The following CNIH3 variants were observed in gnomAD, a reference collection of about 807,000 sequenced individuals.
CNIH3 encodes the protein cornichon family AMPA receptor auxiliary protein 3.
In CNIH3, 14 loss-of-function variants were observed where a neutral mutation model predicts 24.1. That is an observed-to-expected ratio of 0.58 (90% CI 0.38 to 0.91). The LOEUF is 0.91. Among genes scored for constraint, CNIH3 ranks in the 40% least tolerant of loss-of-function variants. The probability of loss-of-function intolerance (pLI) is 0.00; values close to 1 mark genes in which losing one functional copy is unlikely to be tolerated. For synonymous variants in CNIH3, 68 were observed against 73.8 expected (o/e 0.92, Z 0.40); for missense variants, 178 against 196.8 (o/e 0.90, Z 0.57).
chr1:224,438,481 CTG>C (rs1326951811), intron 1 of CNIH3, among the ~76,000 whole-genome samples: 1 of 152,150 alleles, frequency 6.6e-6, no homozygotes, highest in Non-Finnish European at 1.5e-5. Context: ...CTAGTAGAGA[CTG>C]TAGTTGTTCT....
chr1:224,646,557 C>G (rs942298831), intron 1 of CNIH3, among the ~76,000 whole-genome samples: 4 of 152,134 alleles, frequency 2.6e-5, no homozygotes, highest in Non-Finnish European at 5.9e-5. Flanking sequence ...AGAGGTGTGC[C>G]TCCACGCCCA....
In CNIH3 at chr1:224,624,779, T is replaced by C. The variant is rs536838205; in HGVS notation, c.81+7524T>C. ...TTTCTGGTTTCTCTCGCTTTCAAAG[T>C]TTAGAGGGCTGGGAGGACCAGGTCC... On this transcript the variant is annotated intron_variant, in intron 1 of 5. Transcript: ENST00000272133. Among the ~76,000 whole-genome samples the C allele has an allele frequency of 3.9e-5, 6 of 152,306 alleles. No homozygotes were observed. The South Asian group carries it at 1.2e-3, about 32-fold the overall frequency.
At chr1:224,528,316 C>CTTAT (rs1169700864) in intron 2 of CNIH3, among the ~76,000 whole-genome samples, 1 of 151,996 alleles carries the variant, frequency 6.6e-6, no homozygotes, top group East Asian at 1.9e-4. Flanking sequence ...ATTTTATTTA[C>CTTAT]TTATTTATTT....
At chr1:224,474,072 A>G (rs1008212798) in intron 1 of CNIH3, among the ~76,000 whole-genome samples, 33 of 152,202 alleles carry the variant, frequency 2.2e-4, no homozygotes, top group African/African-American at 7.7e-4. Flanking sequence ...AGATAAAAAA[A>G]CGAAAGTTTT....
chr1:224,529,533 T>G lies in CNIH3; in HGVS notation n.344-7403T>G, dbSNP rs533081921. On this transcript the variant is annotated intron_variant and non_coding_transcript_variant, in intron 2 of 2. Coordinates refer to the CNIH3 transcript ENST00000470602. The stretch of plus-strand genomic sequence containing the variant: ...CTCAATATTAGCAAAAAGAGAGGGC[T>G]GTTTTGGACATGTGCTGCTCCGAAT... 1.1e-4 allele frequency: 17 copies of G among 152,300 alleles called. No homozygotes were observed. In the East Asian group the frequency reaches 3.3e-3, roughly 29 times the overall value. The allele number at this position is 152,300 out of a possible 1,614,324, so 9.4% of individuals were successfully genotyped here.
At chr1:224,452,784 A>G (rs1675475813) in intron 1 of CNIH3, among the ~76,000 whole-genome samples, 1 of 146,862 alleles carries the variant, frequency 6.8e-6, no homozygotes, top group South Asian at 2.1e-4. Context: ...TCTGTCTCAA[A>G]AAAAAAAAAA....
intron 3 of CNIH3, among the ~76,000 whole-genome samples, chr1:224,610,274 G>A (rs1682624674): frequency 6.6e-6 from 1 of 152,200 alleles, no homozygotes; most frequent in African/African-American, 2.4e-5. Flanking sequence ...ATCATAAGGA[G>A]CATCTGTGAT....
At chr1:224,671,762 A>G (rs1292008338) in intron 1 of CNIH3, among the ~76,000 whole-genome samples, 2 of 152,210 alleles carry the variant, frequency 1.3e-5, no homozygotes, top group Non-Finnish European at 2.9e-5. Context: ...GGATTGAGAG[A>G]CCCTGAGTCT....
At chr1:224,435,285 G>A in intron 1 of CNIH3, 1 of 902,184 alleles carries the variant, frequency 1.1e-6, no homozygotes, top group Non-Finnish European at 1.3e-6. Context: ...GACCGAAATC[G>A]GGTTTCACAA....
chr1:224,554,159 C>T (rs758194590), intron 3 of CNIH3, among the ~76,000 whole-genome samples: 2 of 152,184 alleles, frequency 1.3e-5, no homozygotes, highest in East Asian at 1.9e-4. Flanking sequence ...TCCTGTCTGG[C>T]GCTTGACCCT....
chr1:224,634,669 C>G (rs1224383091), intron 1 of CNIH3, among the ~76,000 whole-genome samples: 1 of 152,134 alleles, frequency 6.6e-6, no homozygotes, highest in East Asian at 1.9e-4. Flanking sequence ...AAAGTGAAAC[C>G]TAGCTCTTCC....
intron 2 of CNIH3, among the ~76,000 whole-genome samples, chr1:224,530,941 A>C (rs1224555437): frequency 6.6e-6 from 1 of 152,132 alleles, no homozygotes; most frequent in Non-Finnish European, 1.5e-5. Flanking sequence ...TTTCCATCAC[A>C]TCATTCCATG....
chr1:224,540,879 G>A (rs764838644), downstream of CNIH3, among the ~76,000 whole-genome samples: 2 of 152,082 alleles, frequency 1.3e-5, no homozygotes, highest in African/African-American at 2.4e-5. Flanking sequence ...TATTTTTATA[G>A]AATTAAACAG....
intron 3 of CNIH3, among the ~76,000 whole-genome samples, chr1:224,563,976 A>C (rs181180699): frequency 6.6e-6 from 1 of 152,188 alleles, no homozygotes; most frequent in African/African-American, 2.4e-5. Context: ...AACAAAATCT[A>C]TAGGGTGAAT....
At chr1:224,529,829 C>T (rs1482419143) in intron 2 of CNIH3, among the ~76,000 whole-genome samples, 1 of 152,208 alleles carries the variant, frequency 6.6e-6, no homozygotes, top group Non-Finnish European at 1.5e-5. Flanking sequence ...TTTCTGATAA[C>T]GGGCTGTACC....
At chr1:224,436,474 C>T (rs1412088113) in intron 1 of CNIH3, among the ~76,000 whole-genome samples, 2 of 152,200 alleles carry the variant, frequency 1.3e-5, no homozygotes, top group African/African-American at 4.8e-5. Context: ...CACTTCATGG[C>T]AGCTACAGAC....
intron 1 of CNIH3, among the ~76,000 whole-genome samples, chr1:224,491,032 T>C (rs1008282653): frequency 1.3e-5 from 2 of 152,206 alleles, no homozygotes; most frequent in African/African-American, 2.4e-5. Context: ...GACTCAGCTA[T>C]TGTTACAGGC....
At chr1:224,721,188 C>T (rs539982149) in intron 3 of CNIH3, among the ~76,000 whole-genome samples, 145 of 152,320 alleles carry the variant, frequency 9.5e-4, no homozygotes, top group African/African-American at 3.2e-3. Flanking sequence ...GCTTTGCATT[C>T]ACCACCTAGT....
At chr1:224,606,891 CT>C (rs1407851064) in intron 3 of CNIH3, among the ~76,000 whole-genome samples, 1 of 152,138 alleles carries the variant, frequency 6.6e-6, no homozygotes, top group African/African-American at 2.4e-5. Flanking sequence ...CTCCCAGAAG[CT>C]TTTCCCAACC....
Sources: allele counts gnomAD v4.1 joint callset (sites outside exome capture counted in the v4.1 genomes callset), GRCh38; gene constraint gnomAD v4.1.1; transcripts MANE v1.5; gene names NCBI Gene and HGNC (gene_info 2026-07-23, HGNC 2026-07-21).